MARCHF6: variants seen among roughly 807,000 people sequenced by gnomAD.
MARCHF6 encodes the protein membrane associated ring-CH-type finger 6, also known as E3 ubiquitin-protein ligase MARCHF6.
Under a neutral mutation model 133.7 loss-of-function variants are expected in MARCHF6, and 31 were observed. The ratio of observed to expected loss-of-function variants is 0.23; its 90% confidence interval spans 0.17 to 0.31. MARCHF6 has a LOEUF of 0.31. Ranked by LOEUF, MARCHF6 falls within the 10% of genes least tolerant of loss-of-function variation. MARCHF6 has a pLI of 1.00. For synonymous variants in MARCHF6, 395 were observed against 402.5 expected (o/e 0.98, Z 0.22); for missense variants, 723 against 1,121.6 (o/e 0.64, Z 5.08).
intron 5 of MARCHF6, 107 bp from the exon 6 acceptor site, chr5:10,390,225 G>T: frequency 4.0e-6 from 3 of 747,268 alleles, no homozygotes; most frequent in Admixed American, 2.9e-5. Context: ...TATTCTTCTG[G>T]CTGTTTTTTT....
intron 21 of MARCHF6, among the ~76,000 whole-genome samples, chr5:10,416,849 T>G (rs567522732): frequency 6.6e-6 from 1 of 152,340 alleles, no homozygotes; most frequent in South Asian, 2.1e-4. Context: ...ATCAGTATGG[T>G]AAGTTCTATT....
intron 22 of MARCHF6, chr5:10,421,953 G>A (rs1457278537): frequency 1.3e-5 from 2 of 152,212 alleles, no homozygotes; most frequent in Non-Finnish European, 2.9e-5. Flanking sequence ...CCGCAGAAAG[G>A]AAGTTAAGGC....
rs1193862306 is a variant in MARCHF6 at position 10,434,607 on chromosome 5, C to T, written c.*923C>T. 2.0e-5 allele frequency: 3 copies of T among 152,296 alleles called. No individual in the cohort carries two copies. In the East Asian group the frequency reaches 5.8e-4, roughly 29 times the overall value. The allele number at this position is 152,296 out of a possible 1,614,324, so 9.4% of individuals were successfully genotyped here. A position where few individuals can be genotyped will look rare whatever the true frequency, so the allele number is the denominator to read the frequency against. Reference sequence around the variant, plus strand: ...TTTCAGAGTGACATCACCAACTGTACTGCATCTTACTGGATTTAGGACTTC... The same window carrying T: ...TTTCAGAGTGACATCACCAACTGTATTGCATCTTACTGGATTTAGGACTTC... On this transcript the variant is annotated 3_prime_UTR_variant, in exon 26 of 26. Transcript: ENST00000274140.
At chr5:10,418,929 G>A (rs139332515) in intron 22 of MARCHF6, among the ~76,000 whole-genome samples, 1 of 152,136 alleles carries the variant, frequency 6.6e-6, no homozygotes, top group Non-Finnish European at 1.5e-5. Context: ...TTCAGGTATG[G>A]TGTTCCATAA....
chr5:10,378,415 CA>C (rs1736917300), intron 2 of MARCHF6, among the ~76,000 whole-genome samples: 1 of 152,146 alleles, frequency 6.6e-6, no homozygotes, highest in South Asian at 2.1e-4. Context: ...GTGGCAGAAC[CA>C]GGATTCAGAC....
intron 1 of MARCHF6, among the ~76,000 whole-genome samples, chr5:10,365,180 A>T (rs1439512580): frequency 1.3e-5 from 2 of 152,202 alleles, no homozygotes; most frequent in Non-Finnish European, 2.9e-5. Context: ...AGGAGGCCAG[A>T]AAGTGCAGTT....
intron 12 of MARCHF6, 108 bp downstream of exon 12, chr5:10,402,247 G>A (rs1738585631): frequency 9.2e-7 from 1 of 1,083,050 alleles, no homozygotes; most frequent in South Asian, 1.4e-5. Context: ...AAAAGTTGTA[G>A]GTATTTGCAG....
chr5:10,386,828 T>C, intron 4 of MARCHF6, 166 bp from the exon 5 acceptor site: 2 of 549,036 alleles, frequency 3.6e-6, no homozygotes, highest in Non-Finnish European at 6.7e-6. Context: ...TATTTGTGCT[T>C]GACTGTGTTT....
Position 10,394,083 on chromosome 5 carries a change from T to C in MARCHF6, c.768T>C (p.Asp256=). The change falls in exon 8 of 26, where the codon GAT becomes GAC. Residue 256 remains aspartate (D), a splice_region_variant and synonymous_variant. Coordinates refer to ENST00000274140, the MANE Select transcript of MARCHF6 (RefSeq NM_005885.4). The part of the protein sequence containing the change: ...DAADANNGAQ[D]DMNWNALEWD... ...TTTAAATTGCAATTATATTTTCAGATGACATGAATTGGAATGCTTTAGAAT... is the reference window on the plus strand; with the variant it reads ...TTTAAATTGCAATTATATTTTCAGACGACATGAATTGGAATGCTTTAGAAT... 2 of 1,529,680 alleles carry C rather than the reference T, an allele frequency of 1.3e-6. No individual in the cohort carries two copies. The highest frequency in any genetic ancestry group is 8.8e-7 in the Non-Finnish European group (1 of 1,133,606). The allele number at this position is 1,529,680 out of a possible 1,614,324, so 94.8% of individuals were successfully genotyped here.
At chr5:10,391,790 T>G (rs1737863624) in intron 7 of MARCHF6, 59 bp downstream of exon 7, 4 of 1,389,652 alleles carry the variant, frequency 2.9e-6, no homozygotes, top group Non-Finnish European at 3.8e-6. Context: ...TCAACTTGCA[T>G]TGAGGAAAAG....
chr5:10,377,973 G>T, intron 2 of MARCHF6, 79 bp downstream of exon 2: 1 of 751,516 alleles, frequency 1.3e-6, no homozygotes, highest in Non-Finnish European at 2.3e-6. Flanking sequence ...TCATTTCAAT[G>T]TACTTTCTCT....
chr5:10,402,649 G>C, intron 14 of MARCHF6, 42 bp downstream of exon 14: 1 of 1,473,418 alleles, frequency 6.8e-7, no homozygotes, highest in Non-Finnish European at 9.5e-7. Context: ...ATAATTTAAG[G>C]GCTTCAAAAG....
rs989106188 is a variant in MARCHF6 at position 10,409,997 on chromosome 5, C to T, written c.1554-142C>T. The T allele has an allele frequency of 3.5e-6, 3 of 861,232 alleles. No homozygotes were observed. In the African/African-American group the frequency reaches 5.1e-5, roughly 15 times the overall value. The allele number at this position is 861,232 out of a possible 1,614,324, so 53.3% of individuals were successfully genotyped here. A position where few individuals can be genotyped will look rare whatever the true frequency, so the allele number is the denominator to read the frequency against. ...AATTTGGTGGAGTTTGTGGGGAAAGCCTCACTGAGTTGGAGAGAGAATGAA... is the reference window on the plus strand; with the variant it reads ...AATTTGGTGGAGTTTGTGGGGAAAGTCTCACTGAGTTGGAGAGAGAATGAA... On this transcript the variant is annotated intron_variant, in intron 17 of 25. Coordinates refer to ENST00000274140, the MANE Select transcript of MARCHF6 (RefSeq NM_005885.4).
chr5:10,402,808 A>G (rs1395219086), intron 14 of MARCHF6, among the ~76,000 whole-genome samples: 1 of 152,166 alleles, frequency 6.6e-6, no homozygotes, highest in African/African-American at 2.4e-5. Flanking sequence ...TTTTGATGTC[A>G]GGATAGTTTG....
At chr5:10,369,720 T>C (rs1736355455) in intron 1 of MARCHF6, among the ~76,000 whole-genome samples, 1 of 151,326 alleles carries the variant, frequency 6.6e-6, no homozygotes, top group Non-Finnish European at 1.5e-5. Flanking sequence ...TTTTCCAGAA[T>C]GTCATAAATA....
intron 3 of MARCHF6, among the ~76,000 whole-genome samples, chr5:10,380,758 C>G (rs1050987457): frequency 6.6e-6 from 1 of 151,998 alleles, no homozygotes; most frequent in Non-Finnish European, 1.5e-5. Flanking sequence ...GAAACCCTGT[C>G]TCTACTGAAA....
At chr5:10,364,709 G>C (rs1402808506) in intron 1 of MARCHF6, among the ~76,000 whole-genome samples, 1 of 152,186 alleles carries the variant, frequency 6.6e-6, no homozygotes, top group African/African-American at 2.4e-5. Context: ...CATGACTTGC[G>C]TATCTGTTAG....
At chr5:10,359,685 C>A in intron 1 of MARCHF6, among the ~76,000 whole-genome samples, 1 of 152,078 alleles carries the variant, frequency 6.6e-6, no homozygotes, top group Non-Finnish European at 1.5e-5. Context: ...TAAATAATCT[C>A]CTGAGTACTC....
chr5:10,430,609 A>AT (rs1561154843), intron 25 of MARCHF6, among the ~76,000 whole-genome samples: 2 of 152,080 alleles, frequency 1.3e-5, no homozygotes, highest in African/African-American at 2.4e-5. Flanking sequence ...CAGCCAAGAG[A>AT]TTTTTTAATG....
Sources: gnomAD v4.1 joint callset for allele counts (sites outside exome capture counted in the v4.1 genomes callset) on GRCh38, gnomAD v4.1.1 for gene constraint, MANE v1.5 for transcripts, NCBI Gene and HGNC (gene_info 2026-07-23, HGNC 2026-07-21) for gene names.